Variants in TENM3 observed in about 807,000 individuals in gnomAD.
TENM3 encodes teneurin-3.
TENM3 carries 63 observed loss-of-function variants against 255.1 expected under a neutral mutation model. The ratio of observed to expected loss-of-function variants is 0.25; its 90% CI spans 0.20 to 0.30. TENM3 has a LOEUF of 0.30. Among genes scored for constraint, TENM3 ranks in the 10% least tolerant of loss-of-function variants. TENM3 has a pLI of 1.00. For synonymous variants in TENM3, 1,306 were observed against 1,322.3 expected (o/e 0.99, Z 0.27); for missense variants, 2,929 against 3,461.1 (o/e 0.85, Z 3.86).
intron 24 of TENM3, among the ~76,000 whole-genome samples, chr4:182,777,548 T>TG (rs1491158989): frequency 1.1e-3 from 69 of 64,824 alleles, no homozygotes; most frequent in African/African-American, 4.2e-3. Flanking sequence ...TGTGTATTTC[T>TG]TTTTTTTTTT....
At chr4:181,730,033 G>A in the TENM3 span, among the ~76,000 whole-genome samples, 1 of 152,180 alleles carries the variant, frequency 6.6e-6, no homozygotes, top group African/African-American at 2.4e-5. Flanking sequence ...GACCAAAGGT[G>A]CTCTCTCTTC....
chr4:181,632,146 T>C, the TENM3 span, among the ~76,000 whole-genome samples: 4 of 152,112 alleles, frequency 2.6e-5, no homozygotes, highest in South Asian at 6.2e-4. Flanking sequence ...CAGTTCTACA[T>C]GGCTGGGGAG....
At chr4:181,897,849 C>T in the TENM3 span, among the ~76,000 whole-genome samples, 2 of 152,062 alleles carry the variant, frequency 1.3e-5, no homozygotes, top group Non-Finnish European at 2.9e-5. Context: ...TTCTTTCTTC[C>T]CCTTCTTTTC....
At chr4:182,010,045 G>A in the TENM3 span, among the ~76,000 whole-genome samples, 5 of 147,642 alleles carry the variant, frequency 3.4e-5, no homozygotes, top group Admixed American at 2.7e-4. Flanking sequence ...GTTCTGATGA[G>A]TGAACCTGGA....
At chr4:182,317,323 A>G (rs2150457858) in intron 1 of TENM3, among the ~76,000 whole-genome samples, 1 of 152,164 alleles carries the variant, frequency 6.6e-6, no homozygotes, top group Middle Eastern at 3.4e-3. Flanking sequence ...TTTTCGAGAC[A>G]GGGTCTTACT....
the TENM3 span, among the ~76,000 whole-genome samples, chr4:181,468,628 G>A: frequency 6.6e-6 from 1 of 152,144 alleles, no homozygotes; most frequent in African/African-American, 2.4e-5. Context: ...ATTAGTGCTG[G>A]AATTTTTCTC....
the TENM3 span, among the ~76,000 whole-genome samples, chr4:181,773,955 T>G: frequency 1.3e-5 from 2 of 151,476 alleles, no homozygotes; most frequent in Non-Finnish European, 2.9e-5. Context: ...CTGCCTCCAC[T>G]TAGCTATAAC....
intron 1 of TENM3, among the ~76,000 whole-genome samples, chr4:182,315,040 C>T (rs1038726349): frequency 6.6e-6 from 1 of 152,056 alleles, no homozygotes; most frequent in Non-Finnish European, 1.5e-5. Context: ...CTTCACATAC[C>T]TTGTAATAGT....
At chr4:181,582,516 G>A in the TENM3 span, among the ~76,000 whole-genome samples, 1 of 151,866 alleles carries the variant, frequency 6.6e-6, no homozygotes, top group Non-Finnish European at 1.5e-5. Flanking sequence ...TAGTGGTGGC[G>A]GGCGCCTGTA....
intron 4 of TENM3, among the ~76,000 whole-genome samples, chr4:182,620,652 A>G (rs1006200945): frequency 1.3e-5 from 2 of 152,232 alleles, no homozygotes; most frequent in Non-Finnish European, 2.9e-5. Flanking sequence ...AGTTTAAACA[A>G]TCTTTACTAA....
chr4:181,948,009 A>G, the TENM3 span, among the ~76,000 whole-genome samples: 1 of 152,332 alleles, frequency 6.6e-6, no homozygotes, highest in Non-Finnish European at 1.5e-5. Context: ...GGGGAAAAAA[A>G]AATAAATTCA....
chr4:181,552,960 A>G, the TENM3 span, among the ~76,000 whole-genome samples: 3 of 152,126 alleles, frequency 2.0e-5, no homozygotes, highest in African/African-American at 4.8e-5. Flanking sequence ...CACACCACAC[A>G]CACTTCCTTT....
At chr4:182,662,424 G>A (rs1233061555) in intron 6 of TENM3, among the ~76,000 whole-genome samples, 1 of 152,150 alleles carries the variant, frequency 6.6e-6, no homozygotes, top group African/African-American at 2.4e-5. Flanking sequence ...CACTCTTACT[G>A]TGAAGGCTTT....
chr4:181,551,994 C>T, the TENM3 span, among the ~76,000 whole-genome samples: 1 of 150,840 alleles, frequency 6.6e-6, no homozygotes, highest in African/African-American at 2.4e-5. Flanking sequence ...AAAGATTAGG[C>T]CGTAAGTTAT....
chr4:182,327,000 G>A (rs1417079235), intron 2 of TENM3, among the ~76,000 whole-genome samples: 1 of 152,192 alleles, frequency 6.6e-6, no homozygotes, highest in Non-Finnish European at 1.5e-5. Flanking sequence ...CCTTCCTGTG[G>A]TTTGATATGC....
the TENM3 span, among the ~76,000 whole-genome samples, chr4:181,600,255 G>T: frequency 6.6e-6 from 1 of 152,100 alleles, no homozygotes; most frequent in African/African-American, 2.4e-5. Flanking sequence ...TTTTGCTATT[G>T]CACAGAATGC....
chr4:181,641,077 G>A, the TENM3 span, among the ~76,000 whole-genome samples: 42 of 152,048 alleles, frequency 2.8e-4, no homozygotes, highest in African/African-American at 9.7e-5. Context: ...ATATTGAAGC[G>A]GGGCTTCCTT....
At chr4:181,960,613 G>A in the TENM3 span, among the ~76,000 whole-genome samples, 1 of 152,154 alleles carries the variant, frequency 6.6e-6, no homozygotes, top group South Asian at 2.1e-4. Context: ...CAATTTGCCT[G>A]GGGATATGCT....
At chr4:182,219,175 T>C (rs976360194) in intron 1 of TENM3, among the ~76,000 whole-genome samples, 4 of 152,118 alleles carry the variant, frequency 2.6e-5, no homozygotes, top group East Asian at 1.9e-4. Context: ...TGAGTCGAAA[T>C]CACGCCACTG....
Sources: allele counts gnomAD v4.1 joint callset (sites outside exome capture counted in the v4.1 genomes callset), GRCh38; gene constraint gnomAD v4.1.1; transcripts MANE v1.5; gene names NCBI Gene and HGNC (gene_info 2026-07-23, HGNC 2026-07-21).